The following FRY variants were observed in gnomAD, a reference collection of about 807,000 sequenced individuals.
FRY encodes the protein FRY microtubule binding protein, also known as protein furry homolog.
FRY carries 128 observed loss-of-function variants against 348.4 expected under a neutral mutation model. That is an observed-to-expected ratio of 0.37 (90% confidence interval 0.32 to 0.43). The LOEUF is 0.43. Among genes scored for constraint, FRY ranks in the 20% least tolerant of loss-of-function variants. FRY has a pLI of 1.00. For synonymous variants in FRY, 1,370 were observed against 1,374.7 expected (o/e 1.00, Z 0.08); for missense variants, 2,736 against 3,695.2 (o/e 0.74, Z 6.73).
At chr13:32,115,476 C>G (rs1878240572) in intron 3 of FRY, among the ~76,000 whole-genome samples, 1 of 152,122 alleles carries the variant, frequency 6.6e-6, no homozygotes, top group Non-Finnish European at 1.5e-5. Flanking sequence ...TTTGTATGGG[C>G]TTATGTCCCT....
chr13:32,131,990 A>C, intron 8 of FRY, 150 bp downstream of exon 8: 1 of 721,006 alleles, frequency 1.4e-6, no homozygotes. Flanking sequence ...TTTGTAACCA[A>C]ATAGTACAGT....
At chr13:32,207,186 T>A (rs1884402386) in intron 31 of FRY, among the ~76,000 whole-genome samples, 1 of 152,218 alleles carries the variant, frequency 6.6e-6, no homozygotes, top group Admixed American at 6.5e-5. Context: ...CATAGATTTT[T>A]ATACCATTGT....
rs1394324003 is a variant in FRY, at chr13:32,296,333, ATC to A, written c.*875_*876del. The A allele has an allele frequency of 6.6e-6, 1 of 152,638 alleles. No individual in the cohort carries two copies. The highest frequency in any genetic ancestry group is 2.4e-5 in the African/African-American group (1 of 41,456). The allele number at this position is 152,638 out of a possible 1,614,324, so 9.5% of individuals were successfully genotyped here. A position where few individuals can be genotyped will look rare whatever the true frequency, so the allele number is the denominator to read the frequency against. ...ACCTGTCAGGCATGCATATTTTAAT[ATC>A]TGTTTGGATAGTCAGAAGTAGAATC... On this transcript the variant is annotated 3_prime_UTR_variant, in exon 61 of 61. Transcript: ENST00000542859.
At chr13:32,274,691 G>A (rs374830936) in intron 55 of FRY, 151 bp from the exon 56 acceptor site, 61 of 534,284 alleles carry the variant, frequency 1.1e-4, no homozygotes, top group African/African-American at 5.1e-4. Context: ...GCGACAGAGC[G>A]AGATTCTGTC....
chr13:32,087,085 A>G (rs182574838), intron 2 of FRY, among the ~76,000 whole-genome samples: 6 of 152,350 alleles, frequency 3.9e-5, no homozygotes, highest in Admixed American at 2.0e-4. Context: ...GTTTGCTAAC[A>G]TGAAAGAAGT....
rs780630508 is a variant in FRY, at chr13:32,187,645, C to G, written c.3580C>G (p.Gln1194Glu). 1.3e-6 allele frequency: 2 copies of G among 1,592,084 alleles called. No homozygotes were observed. The highest frequency in any genetic ancestry group is 1.7e-6 in the Non-Finnish European group (2 of 1,160,030). ...YKWLDNILAC[Q>E]DLRVHQLGCE... ...ATGGCTTGACAACATTCTGGCTTGT[C>G]AAGATTTACGAGTAAGTATAGGCAA... is the stretch of plus-strand genomic sequence containing the variant. The change falls in exon 28 of 61, where the codon CAA becomes GAA. Residue 1194 changes from glutamine (Q) to glutamate (E), a missense_variant. Physicochemically the swap from Gln to Glu is conservative, Grantham distance 29. This residue lies in a region of FRY where 794 missense variants were observed against 977.0 expected (regional missense o/e 0.81). Coordinates refer to ENST00000542859, the MANE Select transcript of FRY (RefSeq NM_023037.3).
rs1199884986 is a variant in FRY at position 32,296,484 on chromosome 13, G to A, written c.*1024G>A. ...TAATGCTGTCAAGTGTTAGATGTGT[G>A]CATGTGAACTTGTTGCACTGCAGAA... is the stretch of plus-strand genomic sequence containing the variant. On this transcript the variant is annotated 3_prime_UTR_variant, in exon 61 of 61. Transcript: ENST00000542859. 6.6e-6 allele frequency: 1 copy of A among 152,516 alleles called. No individual in the cohort carries two copies. Among genetic ancestry groups the A allele is most frequent in the Non-Finnish European group, 1.5e-5 (1 of 68,026 alleles). 9.4% of individuals were successfully genotyped at this position (152,516 alleles called of 1,614,324 possible).
chr13:32,297,928 C>CT lies in FRY; in HGVS notation c.*2469dup, dbSNP rs2072090916. ...GAAACATGATACACTTTGTATCCAC[C>CT]TGCAGAATAAAGCAATCCAGACAGG... On this transcript the variant is annotated 3_prime_UTR_variant, in exon 61 of 61. Transcript: ENST00000542859. 6.6e-6 allele frequency: 1 copy of CT among 152,206 alleles called. No homozygotes were observed. The highest frequency in any genetic ancestry group is 1.5e-5 in the Non-Finnish European group (1 of 68,050). The allele number at this position is 152,206 out of a possible 1,614,324, so 9.4% of individuals were successfully genotyped here. A position where few individuals can be genotyped will look rare whatever the true frequency, so the allele number is the denominator to read the frequency against.
chr13:32,203,790 C>G (rs750724473), intron 31 of FRY, among the ~76,000 whole-genome samples: 6 of 152,186 alleles, frequency 3.9e-5, no homozygotes, highest in African/African-American at 1.4e-4. Context: ...AAGAGACAGA[C>G]TTTGGCCTCT....
chr13:32,291,559 C>T (rs968923639), intron 59 of FRY, among the ~76,000 whole-genome samples: 2 of 152,000 alleles, frequency 1.3e-5, no homozygotes, highest in African/African-American at 2.4e-5. Context: ...GCATGTACCA[C>T]CACACCTGGC....
At chr13:32,145,856 G>T (rs1373656972) in intron 11 of FRY, among the ~76,000 whole-genome samples, 1 of 152,092 alleles carries the variant, frequency 6.6e-6, no homozygotes, top group African/African-American at 2.4e-5. Context: ...TGACTGATTT[G>T]TTAATGCCTG....
intron 41 of FRY, among the ~76,000 whole-genome samples, chr13:32,232,404 T>C (rs751699114): frequency 2.0e-5 from 3 of 152,216 alleles, no homozygotes; most frequent in Non-Finnish European, 4.4e-5. Flanking sequence ...ACATACACAA[T>C]GTATTCCTGG....
chr13:32,158,951 C>CAA (rs35585320), intron 16 of FRY, among the ~76,000 whole-genome samples: 3,005 of 31,814 alleles, frequency 0.094, 133 homozygotes, highest in East Asian at 0.19. Flanking sequence ...GCTGTTTCCT[C>CAA]AAAAAAAAAA....
intron 55 of FRY, 133 bp from the exon 56 acceptor site, chr13:32,274,709 A>C (rs2138596408): frequency 8.7e-6 from 4 of 461,388 alleles, no homozygotes; most frequent in African/African-American, 6.0e-5. Context: ...GTCTCAAAAA[A>C]AAAAAAAAAA....
intron 4 of FRY, among the ~76,000 whole-genome samples, chr13:32,122,209 C>T (rs1000283509): frequency 4.6e-5 from 7 of 152,150 alleles, no homozygotes; most frequent in East Asian, 1.9e-4. Context: ...TTTGGGAGGC[C>T]GAGGTGGGTG....
intron 2 of FRY, among the ~76,000 whole-genome samples, chr13:32,101,340 T>C (rs574762357): frequency 1.6e-4 from 24 of 152,248 alleles, no homozygotes; most frequent in Non-Finnish European, 3.1e-4. Flanking sequence ...TGTATATATA[T>C]GTAGCACATT....
chr13:32,226,524 G>A (rs1178750980), intron 39 of FRY, among the ~76,000 whole-genome samples: 1 of 152,226 alleles, frequency 6.6e-6, no homozygotes, highest in Non-Finnish European at 1.5e-5. Context: ...CTGAGACAAA[G>A]AAATTACTCT....
chr13:32,278,637 A>G, intron 58 of FRY, 89 bp downstream of exon 58: 1 of 804,296 alleles, frequency 1.2e-6, no homozygotes, highest in Non-Finnish European at 2.3e-6. Context: ...AACTTGAGAA[A>G]AGAAGAGGCG....
intron 54 of FRY, 79 bp downstream of exon 54, chr13:32,265,695 C>T (rs1256119517): frequency 1.5e-6 from 2 of 1,343,224 alleles, no homozygotes; most frequent in Non-Finnish European, 2.1e-6. Flanking sequence ...AGTTAAGTGT[C>T]ACAGTTGCAC....
Sources: gnomAD v4.1 joint callset for allele counts (sites outside exome capture counted in the v4.1 genomes callset) on GRCh38, gnomAD v4.1.1 for gene constraint, gnomAD v4.1.1 regional missense constraint, MANE v1.5 for transcripts, NCBI Gene and HGNC (gene_info 2026-07-23, HGNC 2026-07-21) for gene names.